CCDC63: variants seen among roughly 807,000 people sequenced by gnomAD.
CCDC63 encodes coiled-coil domain-containing protein 63.
Under a neutral mutation model 63.6 loss-of-function variants are expected in CCDC63, and 54 were observed. The ratio of observed to expected loss-of-function variants is 0.85; its 90% CI spans 0.68 to 1.07. CCDC63 has a LOEUF of 1.07. Among genes scored for constraint, CCDC63 ranks in the 50% least tolerant of loss-of-function variants. The pLI is 0.00. For synonymous variants in CCDC63, 253 were observed against 266.1 expected (o/e 0.95, Z 0.48); for missense variants, 637 against 689.6 (o/e 0.92, Z 0.86).
chr12:110,867,227 A>AT (rs1555253133), intron 4 of CCDC63, among the ~76,000 whole-genome samples: 1 of 76,236 alleles, frequency 1.3e-5, no homozygotes. Flanking sequence ...CGGGGGGCCG[A>AT]CCCCCCCACC....
intron 8 of CCDC63, among the ~76,000 whole-genome samples, chr12:110,887,033 T>G (rs1182605824): frequency 6.6e-6 from 1 of 152,214 alleles, no homozygotes; most frequent in Non-Finnish European, 1.5e-5. Flanking sequence ...CACACACACT[T>G]GGACTAGAGG....
chr12:110,875,071 C>G (rs1207159635), intron 5 of CCDC63, among the ~76,000 whole-genome samples: 2 of 152,204 alleles, frequency 1.3e-5, no homozygotes, highest in Non-Finnish European at 2.9e-5. Flanking sequence ...CTTTGACCAC[C>G]AGGCTTTGAG....
At chr12:110,896,395 AC>A (rs1453586281) in intron 9 of CCDC63, among the ~76,000 whole-genome samples, 2 of 152,192 alleles carry the variant, frequency 1.3e-5, no homozygotes, top group Admixed American at 1.3e-4. Flanking sequence ...GGAGGAAGCC[AC>A]CTGATGTGCT....
At position 110,874,018 on chromosome 12, in the gene CCDC63, C is replaced by T. The variant is rs1423062801; in HGVS notation, c.489+57C>T. 19 of 1,559,746 alleles carry T rather than the reference C, an allele frequency of 1.2e-5. No homozygotes were observed. The South Asian group carries it at 1.9e-4, about 16-fold the overall frequency. ...CAGCTCTGCCCACGTTTGCTCAGAA[C>T]AAAAATGATGTCTGCCCAGCCATTA... On this transcript the variant is annotated intron_variant, in intron 5 of 11. Coordinates refer to ENST00000308208, the MANE Select transcript of CCDC63 (RefSeq NM_152591.3).
intron 11 of CCDC63, among the ~76,000 whole-genome samples, chr12:110,905,913 TATTATATATAATATATATTA>T: frequency 1.2e-5 from 1 of 81,956 alleles, no homozygotes; most frequent in Non-Finnish European, 2.1e-5. Context: ...ATATATATTA[TATTATATATAATATATATTA>T]TATAAAATAT....
At chr12:110,863,593 T>C (rs1381029755) in intron 4 of CCDC63, among the ~76,000 whole-genome samples, 1 of 149,286 alleles carries the variant, frequency 6.7e-6, no homozygotes, top group East Asian at 2.0e-4. Context: ...CAGGCTGGAG[T>C]GCAGTGGCAC....
At chr12:110,888,104 A>G (rs1265843889) in intron 8 of CCDC63, among the ~76,000 whole-genome samples, 4 of 152,160 alleles carry the variant, frequency 2.6e-5, no homozygotes, top group South Asian at 4.1e-4. Flanking sequence ...TCGCTCACAG[A>G]GACCAGCCAG....
At chr12:110,890,773 C>CTTTTTTTTTTT (rs769120162) in intron 8 of CCDC63, among the ~76,000 whole-genome samples, 1 of 98,398 alleles carries the variant, frequency 1.0e-5, no homozygotes, top group Non-Finnish European at 2.0e-5. Context: ...TCCTCCTTTT[C>CTTTTTTTTTTT]TTTTTTTTTT....
At chr12:110,891,351 C>CAA (rs200368048) in intron 8 of CCDC63, among the ~76,000 whole-genome samples, 1 of 150,670 alleles carries the variant, frequency 6.6e-6, no homozygotes, top group African/African-American at 2.4e-5. Context: ...AACCAAAAAA[C>CAA]AAAAAAAATG....
intron 5 of CCDC63, among the ~76,000 whole-genome samples, chr12:110,877,390 T>C (rs768816862): frequency 6.6e-6 from 1 of 151,902 alleles, no homozygotes; most frequent in Non-Finnish European, 1.5e-5. Context: ...TTTTTTGTAT[T>C]TTTAGTAGAG....
chr12:110,858,754 GT>G lies in CCDC63; in HGVS notation c.350del (p.Leu117TrpfsTer45). On this transcript the variant is annotated frameshift_variant, in exon 4 of 12. Coordinates refer to ENST00000308208, the MANE Select transcript of CCDC63 (RefSeq NM_152591.3). LOFTEE classifies it high-confidence loss of function. Reference sequence around the variant, plus strand: ...CATTGATTAAATCCCTGAAAGTGCTGTTGGCTGAACTGGATGAGAAGGTGTG... The same window carrying G: ...CATTGATTAAATCCCTGAAAGTGCTGTGGCTGAACTGGATGAGAAGGTGTG... ...EALIKSLKVL[L>X]AELDEKILQM... The G allele has an allele frequency of 6.2e-7, 1 of 1,613,968 alleles. No homozygotes were observed. The highest frequency in any genetic ancestry group is 8.5e-7 in the Non-Finnish European group (1 of 1,179,950).
At chr12:110,872,878 T>C (rs1240474444) in intron 4 of CCDC63, among the ~76,000 whole-genome samples, 2 of 152,196 alleles carry the variant, frequency 1.3e-5, no homozygotes, top group Admixed American at 6.5e-5. Flanking sequence ...ACTCCCACCT[T>C]GGCCTCCCAA....
At position 110,858,764 on chromosome 12, in the gene CCDC63, C is replaced by A. The variant is rs1190047721; in HGVS notation, c.358C>A (p.Leu120Met). The change falls in exon 4 of 12, where the codon CTG becomes ATG. Residue 120 changes from leucine (L) to methionine (M), a missense_variant. Physicochemically the swap from Leu to Met is conservative, Grantham distance 15. Transcript: ENST00000308208. ...ATCCCTGAAAGTGCTGTTGGCTGAACTGGATGAGAAGGTGTGGTCTTTCTC... is the reference window on the plus strand; with the variant it reads ...ATCCCTGAAAGTGCTGTTGGCTGAAATGGATGAGAAGGTGTGGTCTTTCTC... ...IKSLKVLLAE[L>M]DEKILQMEKK... 3 of 1,613,362 alleles carry A rather than the reference C, an allele frequency of 1.9e-6. No individual in the cohort carries two copies. Among genetic ancestry groups the A allele is most frequent in the Admixed American group, 1.7e-5 (1 of 59,928 alleles).
At chr12:110,881,717 CA>C (rs71083160) in intron 7 of CCDC63, among the ~76,000 whole-genome samples, 60 of 147,450 alleles carry the variant, frequency 4.1e-4, no homozygotes, top group South Asian at 1.5e-3. Context: ...ATAAGACTCT[CA>C]AAAAAAAAAT....
intron 9 of CCDC63, among the ~76,000 whole-genome samples, chr12:110,896,895 C>T (rs2071421919): frequency 6.6e-6 from 1 of 152,204 alleles, no homozygotes; most frequent in South Asian, 2.1e-4. Context: ...AACCAGGTGG[C>T]CTGGTCCACC....
chr12:110,894,513 A>G (rs776549789), intron 9 of CCDC63, among the ~76,000 whole-genome samples: 3 of 152,176 alleles, frequency 2.0e-5, no homozygotes, highest in Non-Finnish European at 2.9e-5. Context: ...CCTGGGAGAC[A>G]GGGATGGCCG....
chr12:110,893,573 C>A (rs1040074479), intron 9 of CCDC63, among the ~76,000 whole-genome samples: 1 of 152,146 alleles, frequency 6.6e-6, no homozygotes, highest in Non-Finnish European at 1.5e-5. Flanking sequence ...ATGTACGAGG[C>A]GCCGGGCTAA....
chr12:110,900,327 T>C (rs954076402), intron 10 of CCDC63, among the ~76,000 whole-genome samples: 3 of 152,130 alleles, frequency 2.0e-5, no homozygotes, highest in African/African-American at 4.8e-5. Context: ...AAGGAAGGGA[T>C]GTCTGCGTGC....
intron 4 of CCDC63, among the ~76,000 whole-genome samples, chr12:110,862,684 G>A (rs2070871356): frequency 6.6e-6 from 1 of 152,190 alleles, no homozygotes; most frequent in Non-Finnish European, 1.5e-5. Flanking sequence ...TCAGGTGATG[G>A]CGCAGTCTGG....
Sources: gnomAD v4.1 joint callset for allele counts (sites outside exome capture counted in the v4.1 genomes callset) on GRCh38, gnomAD v4.1.1 for gene constraint, MANE v1.5 for transcripts, NCBI Gene and HGNC (gene_info 2026-07-23, HGNC 2026-07-21) for gene names.